MKLN1: variants seen among roughly 807,000 people sequenced by gnomAD.
The protein encoded by MKLN1 is muskelin 1.
In MKLN1, 18 loss-of-function variants were observed where a neutral mutation model predicts 99.0. That is an observed-to-expected ratio of 0.18 (90% CI 0.13 to 0.27). The LOEUF is 0.27. Ranked by LOEUF, MKLN1 falls within the 10% of genes least tolerant of loss-of-function variation. The pLI, the probability that MKLN1 is intolerant of heterozygous loss-of-function variation, is 1.00. For synonymous variants in MKLN1, 288 were observed against 293.2 expected, an observed-to-expected ratio of 0.98 and a Z score of 0.18; for missense variants, 621 against 875.9, an observed-to-expected ratio of 0.71 and a Z score of 3.67.
chr7:131,428,177 T>C (rs902375216), intron 8 of MKLN1, among the ~76,000 whole-genome samples: 1 of 151,820 alleles, frequency 6.6e-6, no homozygotes, highest in Non-Finnish European at 1.5e-5. Flanking sequence ...AATAAATAAA[T>C]AAATAAATAA....
intron 16 of MKLN1, among the ~76,000 whole-genome samples, chr7:131,473,533 T>G (rs919732773): frequency 3.3e-5 from 5 of 152,130 alleles, no homozygotes; most frequent in African/African-American, 1.2e-4. Flanking sequence ...AAAAATGATA[T>G]TTTTTTCTAG....
At chr7:131,128,223 A>C (rs1463440282) in intron 1 of MKLN1, among the ~76,000 whole-genome samples, 1 of 121,806 alleles carries the variant, frequency 8.2e-6, no homozygotes, top group Admixed American at 9.3e-5. Context: ...AAAAAAAAAC[A>C]ACAAACAAAA....
intron 5 of MKLN1, 102 bp downstream of exon 5, chr7:131,397,478 T>A (rs1217824830): frequency 3.1e-6 from 2 of 638,572 alleles, no homozygotes; most frequent in Non-Finnish European, 5.2e-6. Context: ...AAAATAATAA[T>A]AACAACAGTT....
intron 1 of MKLN1, among the ~76,000 whole-genome samples, chr7:131,336,583 G>A (rs1799257030): frequency 6.6e-6 from 1 of 151,922 alleles, no homozygotes; most frequent in African/African-American, 2.4e-5. Flanking sequence ...TAGCTTGTTA[G>A]TTATATATTC....
chr7:131,347,210 TTATC>T (rs1799588936), intron 1 of MKLN1, among the ~76,000 whole-genome samples: 1 of 152,194 alleles, frequency 6.6e-6, no homozygotes, highest in Non-Finnish European at 1.5e-5. Flanking sequence ...AGAGGAAAAT[TTATC>T]TGAGCTAAAG....
intron 2 of MKLN1, among the ~76,000 whole-genome samples, chr7:131,379,753 G>A (rs116368014): frequency 6.6e-6 from 1 of 152,134 alleles, no homozygotes; most frequent in Admixed American, 6.5e-5. Flanking sequence ...GAGGTTAGGG[G>A]TACCCCATTC....
intron 3 of MKLN1, among the ~76,000 whole-genome samples, chr7:131,249,923 A>G (rs1208190841): frequency 6.6e-6 from 1 of 152,026 alleles, no homozygotes; most frequent in African/African-American, 2.4e-5. Flanking sequence ...GGAACCACTA[A>G]CTGACTTTCT....
At chr7:131,328,407 GGGACAGTTCAGTCGATT>G (rs1798960073) in intron 1 of MKLN1, among the ~76,000 whole-genome samples, 1 of 152,188 alleles carries the variant, frequency 6.6e-6, no homozygotes, top group Non-Finnish European at 1.5e-5. Context: ...TCGGCGTCGG[GGGACAGTTCAGTCGATT>G]GCTGCCGGGA....
intron 1 of MKLN1, among the ~76,000 whole-genome samples, chr7:131,332,920 C>T (rs1304814390): frequency 1.3e-5 from 2 of 151,672 alleles, no homozygotes; most frequent in Non-Finnish European, 2.9e-5. Context: ...CATGCCATCA[C>T]GCCTGGCTAA....
chr7:131,390,038 A>AT (rs987669446), intron 4 of MKLN1, among the ~76,000 whole-genome samples: 3 of 152,200 alleles, frequency 2.0e-5, no homozygotes, highest in African/African-American at 7.2e-5. Flanking sequence ...TGGGAGAATA[A>AT]TTACTCTTTT....
intron 3 of MKLN1, among the ~76,000 whole-genome samples, chr7:131,207,946 T>G (rs902459210): frequency 2.4e-4 from 36 of 152,224 alleles, no homozygotes; most frequent in Admixed American, 3.9e-4. Flanking sequence ...AGGCTAAATA[T>G]TTCTCACTTC....
intron 1 of MKLN1, among the ~76,000 whole-genome samples, chr7:131,120,372 A>T (rs1165829755): frequency 6.7e-6 from 1 of 148,246 alleles, no homozygotes; most frequent in Non-Finnish European, 1.5e-5. Context: ...TAAAAATACA[A>T]AAAAACAAAC....
chr7:131,125,838 G>C (rs925285053), intron 1 of MKLN1, among the ~76,000 whole-genome samples: 2 of 151,576 alleles, frequency 1.3e-5, no homozygotes, highest in Non-Finnish European at 2.9e-5. Flanking sequence ...CCCCGTCTCT[G>C]TTAAAAATAC....
chr7:131,449,760 A>G (rs1222531636), intron 12 of MKLN1, among the ~76,000 whole-genome samples: 4 of 150,540 alleles, frequency 2.7e-5, no homozygotes, highest in Non-Finnish European at 5.9e-5. Flanking sequence ...CTCCTAGAGG[A>G]TTCTAATATG....
intron 1 of MKLN1, among the ~76,000 whole-genome samples, chr7:131,126,059 T>A (rs7458707): frequency 4.6e-4 from 44 of 96,372 alleles, no homozygotes; most frequent in South Asian, 1.2e-3. Context: ...AATTAATTAA[T>A]TAATAAATAA....
intron 3 of MKLN1, among the ~76,000 whole-genome samples, chr7:131,275,309 C>T (rs1797943269): frequency 6.6e-6 from 1 of 151,068 alleles, no homozygotes; most frequent in East Asian, 1.9e-4. Context: ...TGATCACCTC[C>T]CAAAGGCCCC....
At chr7:131,230,247 A>G (rs1365647866) in intron 3 of MKLN1, among the ~76,000 whole-genome samples, 1 of 152,120 alleles carries the variant, frequency 6.6e-6, no homozygotes, top group Non-Finnish European at 1.5e-5. Flanking sequence ...CCCAAATCCA[A>G]AAGGGAGGAG....
At chr7:131,390,189 T>C (rs1173023933) in intron 4 of MKLN1, among the ~76,000 whole-genome samples, 4 of 152,206 alleles carry the variant, frequency 2.6e-5, no homozygotes, top group East Asian at 1.9e-4. Context: ...TTTGGAACAA[T>C]TGGATTCCAG....
rs571644690 is a variant in MKLN1 at position 131,181,065 on chromosome 7, G to T, written c.-296-21792G>T. Among the ~76,000 whole-genome samples, 191 of 152,238 alleles carry T rather than the reference G, an allele frequency of 1.3e-3. 3 individuals carry two copies. Among genetic ancestry groups the T allele is most frequent in the African/African-American group, 4.3e-3 (178 of 41,538 alleles). On this transcript the variant is annotated intron_variant, in intron 2 of 7. Coordinates refer to the MKLN1 transcript ENST00000416992. Reference sequence around the variant, plus strand: ...GGTAAATTGACAAATAATTAATTCTGCAGTTGGACGTTTTCCCCTTCCCAT... The same window carrying T: ...GGTAAATTGACAAATAATTAATTCTTCAGTTGGACGTTTTCCCCTTCCCAT...
Sources: allele counts gnomAD v4.1 joint callset (sites outside exome capture counted in the v4.1 genomes callset), GRCh38; gene constraint gnomAD v4.1.1; transcripts MANE v1.5; gene names NCBI Gene and HGNC (gene_info 2026-07-23, HGNC 2026-07-21).